The following CANT1 variants were observed in gnomAD, a reference collection of about 807,000 sequenced individuals.
CANT1 encodes the protein soluble calcium-activated nucleotidase 1.
CANT1 carries 26 observed loss-of-function variants against 30.0 expected under a neutral mutation model. The ratio of observed to expected loss-of-function variants is 0.87; its 90% CI spans 0.64 to 1.20. The LOEUF (loss-of-function observed/expected upper bound fraction) is 1.20. Among genes scored for constraint, CANT1 ranks in the 50% most tolerant of loss-of-function variants. The probability of loss-of-function intolerance (pLI) is 0.00; values close to 1 mark genes in which losing one functional copy is unlikely to be tolerated. For synonymous variants in CANT1, 246 were observed against 251.8 expected (o/e 0.98, Z 0.22); for missense variants, 518 against 563.0 (o/e 0.92, Z 0.81).
At chr17:79,000,156 C>T (rs545828944) in intron 1 of CANT1, 5 of 152,340 alleles carry the variant, frequency 3.3e-5, no homozygotes, top group Middle Eastern at 3.4e-3. Context: ...TGCAGCTTTT[C>T]CCTCAAGCCT....
At chr17:79,006,928 C>T (rs975719938) in intron 1 of CANT1, among the ~76,000 whole-genome samples, 7 of 152,336 alleles carry the variant, frequency 4.6e-5, no homozygotes, top group Admixed American at 2.0e-4. Flanking sequence ...TCACTCAACC[C>T]GGCAACACCC....
intron 1 of CANT1, chr17:79,005,447 A>G (rs116825449): frequency 0.034 from 5,248 of 152,234 alleles, 274 homozygotes; most frequent in East Asian, 0.28. Context: ...CTCCCTGGAC[A>G]GCAGACAGCC....
chr17:79,005,851 G>C (rs1241183431), intron 1 of CANT1: 1 of 152,202 alleles, frequency 6.6e-6, no homozygotes, highest in South Asian at 2.1e-4. Context: ...GAGAGAACAC[G>C]GGTGGCGCAT....
chr17:78,998,830 C>T lies in CANT1; in HGVS notation c.-146-867G>A, dbSNP rs2071136064. Among the ~76,000 whole-genome samples the T allele has an allele frequency of 6.6e-6, 1 of 152,212 alleles. No homozygotes were observed. The highest frequency in any genetic ancestry group is 1.5e-5 in the Non-Finnish European group (1 of 68,032). ...CCTCCAACTATAGCTCAGTGAATCC[C>T]GGCCTGAGAAGCTTCCCTGGCTGGG... On this transcript the variant is annotated intron_variant, in intron 1 of 4. Transcript: ENST00000392446. The surrounding 1 kb of genome is among the most constrained non-coding windows in gnomAD (Gnocchi z 4.5).
rs866505209 is a variant in CANT1 at position 78,998,582 on chromosome 17, G to A, written c.-146-619C>T. On this transcript the variant is annotated intron_variant, in intron 1 of 4. Coordinates refer to ENST00000392446, the MANE Select transcript of CANT1 (RefSeq NM_001159773.2). The surrounding 1 kb of genome is among the most constrained non-coding windows in gnomAD (Gnocchi z 4.5). ...GCCCCAGGGTCAGGGTGCTGGTGGCGGCCAGGAACTGCAGCCCTTCACTGC... is the reference window on the plus strand; with the variant it reads ...GCCCCAGGGTCAGGGTGCTGGTGGCAGCCAGGAACTGCAGCCCTTCACTGC... Among the ~76,000 whole-genome samples, 3 of 152,188 alleles carry A rather than the reference G, an allele frequency of 2.0e-5. No individual in the cohort carries two copies. Among genetic ancestry groups the A allele is most frequent in the Non-Finnish European group, 4.4e-5 (3 of 68,022 alleles).
rs940790124 is a variant in CANT1 at position 78,997,771 on chromosome 17, C to A, written c.-23+69G>T. The A allele has an allele frequency of 2.7e-5, 20 of 734,008 alleles. No individual in the cohort carries two copies. The highest frequency in any genetic ancestry group is 4.0e-5 in the Non-Finnish European group (19 of 477,496). The allele number at this position is 734,008 out of a possible 1,614,324, so 45.5% of individuals were successfully genotyped here. ...AAACAGTATTTCACTACTCTGTGGC[C>A]ATTCTTACTCCCTTGGCTTAATGAA... On this transcript the variant is annotated intron_variant, in intron 2 of 4. Transcript: ENST00000392446. This position sits in a 1 kb window ranked among gnomAD's most constrained non-coding sequence, Gnocchi z 7.5.
chr17:79,004,277 G>A (rs1427904039), intron 1 of CANT1, among the ~76,000 whole-genome samples: 2 of 40,846 alleles, frequency 4.9e-5, no homozygotes, highest in Non-Finnish European at 5.4e-5. Flanking sequence ...AGAGGAGTTA[G>A]GGAGGGGGGA....
intron 1 of CANT1, among the ~76,000 whole-genome samples, chr17:79,006,542 G>C (rs1488692656): frequency 1.3e-5 from 2 of 152,104 alleles, no homozygotes; most frequent in Non-Finnish European, 2.9e-5. Flanking sequence ...GTTTTTCCAA[G>C]GGCCAGGACC....
intron 1 of CANT1, among the ~76,000 whole-genome samples, chr17:79,001,080 C>G (rs1311471100): frequency 6.6e-6 from 1 of 152,212 alleles, no homozygotes; most frequent in Admixed American, 6.5e-5. Flanking sequence ...AAAGATCGAG[C>G]TGCTCAGCTG....
In CANT1 at chr17:78,998,411, G is replaced by T. The variant is rs3744173; in HGVS notation, c.-146-448C>A. ...TTCTATTAATGCAAATGACTGCAGG[G>T]ACCAGAGTCTGCGCTGCCCTGACTG... On this transcript the variant is annotated intron_variant, in intron 1 of 4. Coordinates refer to ENST00000392446, the MANE Select transcript of CANT1 (RefSeq NM_001159773.2). This position sits in a 1 kb window ranked among gnomAD's most constrained non-coding sequence, Gnocchi z 4.5. 0.15 allele frequency: 22,430 copies of T among 152,284 alleles called. 2,017 individuals carry two copies. Among genetic ancestry groups the T allele is most frequent in the East Asian group, 0.3 (1,569 of 5,176 alleles). The allele number at this position is 152,284 out of a possible 1,614,324, so 9.4% of individuals were successfully genotyped here. A position where few individuals can be genotyped will look rare whatever the true frequency, so the allele number is the denominator to read the frequency against.
At position 78,997,065 on chromosome 17, in the gene CANT1, G is replaced by A. The variant is rs200425171; in HGVS notation, c.558C>T (p.Val186=). The change falls in exon 3 of 5, where the codon GTC becomes GTT. Residue 186 remains valine, a synonymous_variant. Coordinates refer to ENST00000392446, the MANE Select transcript of CANT1 (RefSeq NM_001159773.2). This position sits in a 1 kb window ranked among gnomAD's most constrained non-coding sequence, Gnocchi z 7.5. ...KLYSVDDRTG[V]VYQIEGSKAV... ...CTTTGCTGCCTTCGATCTGGTAGAC[G>A]ACCCCCGTCCGGTCATCCACGGAGT... 1.2e-5 allele frequency: 19 copies of A among 1,614,156 alleles called. No homozygotes were observed. The highest frequency in any genetic ancestry group is 9.3e-5 in the African/African-American group (7 of 75,040).
chr17:79,000,691 T>C (rs1440800222), intron 1 of CANT1, among the ~76,000 whole-genome samples: 1 of 152,198 alleles, frequency 6.6e-6, no homozygotes, highest in Non-Finnish European at 1.5e-5. Flanking sequence ...CTGACCACAC[T>C]GGCCCTGGCA....
rs546351133 is a variant in CANT1, at chr17:78,998,675, C to T, written c.-146-712G>A. ...GTGCAGCCATGGGGCACCAGGCCCA[C>T]GTCTGCGCCGCCTTGGTGAGAGCTG... is the stretch of plus-strand genomic sequence containing the variant. On this transcript the variant is annotated intron_variant, in intron 1 of 4. Coordinates refer to ENST00000392446, the MANE Select transcript of CANT1 (RefSeq NM_001159773.2). This position sits in a 1 kb window ranked among gnomAD's most constrained non-coding sequence, Gnocchi z 4.5. Among the ~76,000 whole-genome samples, 19 of 152,380 alleles carry T rather than the reference C, an allele frequency of 1.2e-4. No individual in the cohort carries two copies. The highest frequency in any genetic ancestry group is 2.4e-4 in the Non-Finnish European group (16 of 68,024).
At chr17:78,994,385 G>A (rs1264056201) in intron 4 of CANT1, among the ~76,000 whole-genome samples, 2 of 152,234 alleles carry the variant, frequency 1.3e-5, no homozygotes, top group African/African-American at 4.8e-5. Flanking sequence ...TGACTAGGGG[G>A]AGGCCAAAGT....
rs911364196 is a variant in CANT1 at position 78,995,059 on chromosome 17, T to C, written c.794A>G (p.Asn265Ser). The change falls in exon 4 of 5, where the codon AAC becomes AGC. Residue 265 changes from asparagine (N) to serine (S), a missense_variant. This residue lies in a region of CANT1 where 221 missense variants were observed against 211.8 expected (regional missense o/e 1.04). Coordinates refer to ENST00000392446, the MANE Select transcript of CANT1 (RefSeq NM_001159773.2). The surrounding 1 kb of genome is among the most constrained non-coding windows in gnomAD (Gnocchi z 5.7). ...GGCAGCAGCCCGCAGGGCGTTGTAG[T>C]TGGACACCCAGTTCTCGTGGTCCAC... Reference protein sequence around the residue: ...GSVDHENWVSNYNALRAAAGI... With the variant: ...GSVDHENWVSSYNALRAAAGI... 6.2e-7 allele frequency: 1 copy of C among 1,602,818 alleles called. No individual in the cohort carries two copies.
rs369035083 is a variant in CANT1, at chr17:78,997,083, C to T, written c.540G>A (p.Val180=). ...GGTAGACGACCCCCGTCCGGTCATC[C>T]ACGGAGTAGAGTTTCCCATTGAAAA... The part of the protein sequence containing the change: ...LIVFNGKLYS[V]DDRTGVVYQI... The change falls in exon 3 of 5, where the codon GTG becomes GTA. Residue 180 remains valine (V), a synonymous_variant. Coordinates refer to ENST00000392446, the MANE Select transcript of CANT1 (RefSeq NM_001159773.2). The surrounding 1 kb of genome is among the most constrained non-coding windows in gnomAD (Gnocchi z 7.5). 4.6e-5 allele frequency: 75 copies of T among 1,614,140 alleles called. No individual in the cohort carries two copies. Among genetic ancestry groups the T allele is most frequent in the African/African-American group, 6.7e-5 (5 of 74,942 alleles).
intron 4 of CANT1, among the ~76,000 whole-genome samples, chr17:78,994,488 G>T (rs1421699905): frequency 2.0e-5 from 3 of 152,242 alleles, no homozygotes; most frequent in Admixed American, 2.0e-4. Context: ...CGGGCCACAG[G>T]CTGGGATGCT....
chr17:78,991,855 C>CG lies in CANT1; in HGVS notation c.*1694dup, dbSNP rs2070851842. On this transcript the variant is annotated 3_prime_UTR_variant, in exon 5 of 5. Transcript: ENST00000392446. ...AAGTAATCGCAAATCACTGCCTATGCGAAGAGGCTGCTTCCGGGCACCTGG... is the reference window on the plus strand; with the variant it reads ...AAGTAATCGCAAATCACTGCCTATGCGGAAGAGGCTGCTTCCGGGCACCTGG... The CG allele has an allele frequency of 4.3e-6, 1 of 230,622 alleles. No individual in the cohort carries two copies. Among genetic ancestry groups the CG allele is most frequent in the African/African-American group, 2.2e-5 (1 of 45,184 alleles). 14.3% of individuals were successfully genotyped at this position (230,622 alleles called of 1,614,324 possible). A position where few individuals can be genotyped will look rare whatever the true frequency, so the allele number is the denominator to read the frequency against.
rs1027615511 is a variant in CANT1 at position 78,997,188 on chromosome 17, C to T, written c.435G>A (p.Val145=). ...TLSDSGDKVA[V]EWDKDHGVLE... ...GGACCCCATGGTCTTTGTCCCATTC[C>T]ACGGCCACCTTGTCCCCACTGTCTG... The change falls in exon 3 of 5, where the codon GTG becomes GTA. Residue 145 remains valine, a synonymous_variant. Transcript: ENST00000392446. The surrounding 1 kb of genome is among the most constrained non-coding windows in gnomAD (Gnocchi z 7.5). 6.2e-7 allele frequency: 1 copy of T among 1,614,218 alleles called. No homozygotes were observed. The highest frequency in any genetic ancestry group is 8.5e-7 in the Non-Finnish European group (1 of 1,180,052).
Sources: allele counts gnomAD v4.1 joint callset (sites outside exome capture counted in the v4.1 genomes callset), GRCh38; gene constraint gnomAD v4.1.1; regional missense constraint gnomAD v4.1.1; non-coding constraint Gnocchi (gnomAD v3.1); transcripts MANE v1.5; gene names NCBI Gene and HGNC (gene_info 2026-07-23, HGNC 2026-07-21).